IP6K1: variants seen among roughly 807,000 people sequenced by gnomAD.
The protein encoded by IP6K1 is inositol hexakisphosphate kinase 1.
Under a neutral mutation model 38.3 loss-of-function variants are expected in IP6K1, and 13 were observed. That is an observed-to-expected ratio of 0.34 (90% CI 0.22 to 0.54). IP6K1 has a LOEUF of 0.54. IP6K1 is among the 20% of genes least tolerant of loss of function. IP6K1 has a pLI of 0.92. For synonymous variants in IP6K1, 212 were observed against 229.9 expected, an observed-to-expected ratio of 0.92 and a Z score of 0.70; for missense variants, 397 against 599.8, an observed-to-expected ratio of 0.66 and a Z score of 3.53.
At chr3:49,784,721 T>C (rs560910888) in intron 1 of IP6K1, among the ~76,000 whole-genome samples, 61 of 146,466 alleles carry the variant, frequency 4.2e-4, no homozygotes, top group Non-Finnish European at 7.2e-4. Context: ...CGGAGGCGGG[T>C]TGATCATGAG....
intron 2 of IP6K1, among the ~76,000 whole-genome samples, chr3:49,740,495 A>ATTTTTTT (rs2080657359): frequency 1.3e-5 from 2 of 152,218 alleles, no homozygotes; most frequent in South Asian, 4.1e-4. Context: ...GTACCCATTA[A>ATTTTTTT]GCAGTAACTC....
At chr3:49,752,755 C>CAG in intron 1 of IP6K1, among the ~76,000 whole-genome samples, 1 of 148,454 alleles carries the variant, frequency 6.7e-6, no homozygotes, top group East Asian at 2.0e-4. Context: ...CTGCGCCTAG[C>CAG]CTTTTTTTTT....
intron 1 of IP6K1, among the ~76,000 whole-genome samples, chr3:49,752,736 C>T (rs565955006): frequency 1.3e-5 from 2 of 150,046 alleles, no homozygotes; most frequent in Non-Finnish European, 3.0e-5. Context: ...GGATTACAGG[C>T]GTGAGCCACT....
chr3:49,766,521 G>C (rs1265351210), intron 1 of IP6K1, among the ~76,000 whole-genome samples: 2 of 151,552 alleles, frequency 1.3e-5, no homozygotes, highest in Non-Finnish European at 2.9e-5. Flanking sequence ...AACATCAGTT[G>C]GGTGTGGTGG....
In IP6K1 at chr3:49,751,519, C is replaced by T. The variant is rs372106708; in HGVS notation, c.-128-3351G>A. On this transcript the variant is annotated intron_variant, in intron 1 of 5. Transcript: ENST00000321599. ...TGAAGTCTGGTGTCCACAGAGGCTACTGTGAAAACTACTGTCTGAGAAGGC... is the reference window on the plus strand; with the variant it reads ...TGAAGTCTGGTGTCCACAGAGGCTATTGTGAAAACTACTGTCTGAGAAGGC... 5.3e-5 allele frequency among the ~76,000 whole-genome samples: 8 copies of T among 152,130 alleles called. No homozygotes were observed. In the East Asian group the frequency reaches 9.7e-4, roughly 18 times the overall value.
chr3:49,744,485 T>C (rs990769871), intron 2 of IP6K1, among the ~76,000 whole-genome samples: 1 of 150,978 alleles, frequency 6.6e-6, no homozygotes, highest in East Asian at 2.0e-4. Context: ...TTTATCAGTA[T>C]AGACTTGTGG....
At chr3:49,764,140 G>C (rs1384502392) in intron 1 of IP6K1, among the ~76,000 whole-genome samples, 2 of 151,974 alleles carry the variant, frequency 1.3e-5, no homozygotes, top group African/African-American at 4.8e-5. Flanking sequence ...TGCACACTTT[G>C]GGAGGTGAAC....
chr3:49,742,409 C>A (rs775435147), intron 2 of IP6K1, among the ~76,000 whole-genome samples: 1 of 152,008 alleles, frequency 6.6e-6, no homozygotes, highest in African/African-American at 2.4e-5. Flanking sequence ...ATTAGCCGGG[C>A]GTGGTGGTAC....
intron 1 of IP6K1, among the ~76,000 whole-genome samples, chr3:49,756,838 A>AG (rs57235281): frequency 0.18 from 20,178 of 113,714 alleles, 1,422 homozygotes; most frequent in Non-Finnish European, 0.21. Flanking sequence ...AAAAAAAAAA[A>AG]AAAGAAAAAA....
chr3:49,728,392 C>A, intron 4 of IP6K1, 114 bp from the exon 5 acceptor site: 4 of 889,200 alleles, frequency 4.5e-6, no homozygotes, highest in Non-Finnish European at 6.9e-6. Flanking sequence ...ATGTACTTGT[C>A]TCAAACTCTC....
At chr3:49,774,517 C>G (rs1029791151) in intron 1 of IP6K1, among the ~76,000 whole-genome samples, 1 of 148,418 alleles carries the variant, frequency 6.7e-6, no homozygotes, top group African/African-American at 2.5e-5. Context: ...ACTAACAAGA[C>G]AAAAATAATT....
intron 1 of IP6K1, among the ~76,000 whole-genome samples, chr3:49,771,119 T>TAA (rs1216755659): frequency 9.0e-6 from 1 of 111,596 alleles, no homozygotes; most frequent in Non-Finnish European, 1.8e-5. Flanking sequence ...ACCCTGTCTC[T>TAA]AAAAAAACAA....
Position 49,738,417 on chromosome 3 carries a change from C to T in IP6K1, c.229G>A (p.Val77Ile), listed in dbSNP as rs138470148. 11 of 1,613,482 alleles carry T rather than the reference C, an allele frequency of 6.8e-6. No homozygotes were observed. Among genetic ancestry groups the T allele is most frequent in the Admixed American group, 3.3e-5 (2 of 60,018 alleles). ...CTGTCCCCCTCAAAACAGACAGATA[C>T]CACGCCTGTTAAAAAAAGGGCAGTT... ...KEFTPEYKGV[V>I]SVCFEGDSDG... The change falls in exon 3 of 6, where the codon GTA (valine) becomes ATA (isoleucine). Residue 77 changes from valine (V) to isoleucine (I), a missense_variant. Physicochemically the swap from Val to Ile is conservative, Grantham distance 29. Coordinates refer to ENST00000321599, the MANE Select transcript of IP6K1 (RefSeq NM_153273.4).
At chr3:49,744,262 C>T (rs1052605366) in intron 2 of IP6K1, among the ~76,000 whole-genome samples, 1 of 151,540 alleles carries the variant, frequency 6.6e-6, no homozygotes, top group African/African-American at 2.4e-5. Context: ...ATTAGCCAGG[C>T]TTGGTGGCGG....
intron 1 of IP6K1, among the ~76,000 whole-genome samples, chr3:49,769,447 G>GC (rs1364645155): frequency 3.9e-5 from 6 of 152,234 alleles, no homozygotes; most frequent in Admixed American, 3.9e-4. Flanking sequence ...TCACAAACAG[G>GC]CCCATATCTA....
intron 1 of IP6K1, among the ~76,000 whole-genome samples, chr3:49,779,081 A>T (rs1311264731): frequency 6.6e-6 from 1 of 152,242 alleles, no homozygotes; most frequent in Non-Finnish European, 1.5e-5. Flanking sequence ...GAATGTTTTA[A>T]TCATCTCAAA....
At chr3:49,774,373 A>G (rs974845099) in intron 1 of IP6K1, among the ~76,000 whole-genome samples, 5 of 139,620 alleles carry the variant, frequency 3.6e-5, no homozygotes, top group Non-Finnish European at 7.6e-5. Context: ...GTGCCACTGC[A>G]GTCCAGCCTG....
intron 1 of IP6K1, among the ~76,000 whole-genome samples, chr3:49,762,328 G>A (rs1450882131): frequency 1.3e-5 from 2 of 152,188 alleles, no homozygotes; most frequent in Non-Finnish European, 2.9e-5. Context: ...CGGACCATGA[G>A]GTCAGGAGAC....
intron 1 of IP6K1, 36 bp downstream of exon 1, chr3:49,786,318 T>A (rs9861660): frequency 5.9e-5 from 9 of 152,332 alleles, no homozygotes; most frequent in African/African-American, 2.2e-4. Context: ...CCCGCGGGCG[T>A]CAGGCCGGTC....
Sources: gnomAD v4.1 joint callset for allele counts (sites outside exome capture counted in the v4.1 genomes callset) on GRCh38, gnomAD v4.1.1 for gene constraint, MANE v1.5 for transcripts, NCBI Gene and HGNC (gene_info 2026-07-23, HGNC 2026-07-21) for gene names.